CPLX2: variants seen among roughly 807,000 people sequenced by gnomAD.
CPLX2 encodes complexin 2.
A neutral mutation model predicts 16.3 loss-of-function variants in CPLX2; 5 were observed. The observed-to-expected ratio is 0.31, with a 90% CI of 0.16 to 0.64. The LOEUF (loss-of-function observed/expected upper bound fraction) is 0.64. Among genes scored for constraint, CPLX2 ranks in the 30% least tolerant of loss-of-function variants. The pLI is 0.79. For synonymous variants in CPLX2, 89 were observed against 73.2 expected (o/e 1.22, Z -1.10); for missense variants, 144 against 181.4 (o/e 0.79, Z 1.18).
At chr5:175,840,355 G>A (rs1241059126) in intron 2 of CPLX2, among the ~76,000 whole-genome samples, 2 of 152,190 alleles carry the variant, frequency 1.3e-5, no homozygotes, top group African/African-American at 4.8e-5. Context: ...TAAAACAAGA[G>A]TTGGAGAAGT....
At chr5:175,871,767 T>C (rs1285770818) in intron 1 of CPLX2, 62 bp downstream of exon 1, 2 of 152,578 alleles carry the variant, frequency 1.3e-5, no homozygotes, top group East Asian at 3.9e-4. Flanking sequence ...GTCCCGGCTC[T>C]CGCCTCGAGG....
In CPLX2 at chr5:175,811,274, T is replaced by G. The variant is rs1469057077; in HGVS notation, c.-89+2206T>G. Among the ~76,000 whole-genome samples the G allele has an allele frequency of 5.3e-5, 8 of 152,282 alleles. No individual in the cohort carries two copies. In the East Asian group the frequency reaches 1.5e-3, roughly 29 times the overall value. On this transcript the variant is annotated intron_variant, in intron 2 of 4. Transcript: ENST00000359546. ...CCAGGAAGGGTGGTTTGAAAAGTCT[T>G]GAGAAGCAAACTTCAGGATTAGGCT...
At chr5:175,803,964 G>C (rs554761092) in intron 1 of CPLX2, among the ~76,000 whole-genome samples, 16 of 152,354 alleles carry the variant, frequency 1.1e-4, no homozygotes, top group Admixed American at 7.2e-4. Flanking sequence ...GATGCAGGGG[G>C]AGGGAGACGA....
intron 1 of CPLX2, among the ~76,000 whole-genome samples, chr5:175,804,425 C>A (rs1231449397): frequency 6.6e-6 from 1 of 152,170 alleles, no homozygotes; most frequent in African/African-American, 2.4e-5. Flanking sequence ...GGCCTGTACC[C>A]TAAGGTGCTG....
At chr5:175,871,396 GAGAA>G (rs1295050807), upstream of CPLX2, 3 of 130,676 alleles carry the variant, frequency 2.3e-5, no homozygotes, top group Admixed American at 8.0e-5. Flanking sequence ...GAGGGAGGGA[GAGAA>G]AGAGAGAGAG....
rs181096091 is a variant in CPLX2, at chr5:175,820,468, A to G, written c.-89+11400A>G. 3.2e-3 allele frequency among the ~76,000 whole-genome samples: 486 copies of G among 152,306 alleles called. 1 individual carries two copies. Among genetic ancestry groups the G allele is most frequent in the Non-Finnish European group, 5.4e-3 (364 of 68,024 alleles). ...TGCCTGAAAGCAGGTGTGGTGGGCCAGGCATGGCATTCCCTCCCGCATCAC... is the reference window on the plus strand; with the variant it reads ...TGCCTGAAAGCAGGTGTGGTGGGCCGGGCATGGCATTCCCTCCCGCATCAC... On this transcript the variant is annotated intron_variant, in intron 2 of 4. Coordinates refer to the CPLX2 transcript ENST00000359546.
At chr5:175,827,109 C>T (rs1758630329) in intron 2 of CPLX2, among the ~76,000 whole-genome samples, 1 of 152,196 alleles carries the variant, frequency 6.6e-6, no homozygotes, top group African/African-American at 2.4e-5. Context: ...ACAGCCCCAT[C>T]AAAAGTTCCA....
At chr5:175,817,287 C>T (rs1758425551) in intron 2 of CPLX2, among the ~76,000 whole-genome samples, 1 of 152,182 alleles carries the variant, frequency 6.6e-6, no homozygotes, top group South Asian at 2.1e-4. Flanking sequence ...CAGCTTCCTA[C>T]CTAGCAAGAC....
At chr5:175,851,112 G>A (rs1759143305) in intron 2 of CPLX2, among the ~76,000 whole-genome samples, 1 of 152,054 alleles carries the variant, frequency 6.6e-6, no homozygotes, top group Non-Finnish European at 1.5e-5. Context: ...AGGGCATCTT[G>A]CGTGTGAGGA....
chr5:175,842,018 C>T (rs919794420), intron 2 of CPLX2, among the ~76,000 whole-genome samples: 2 of 152,224 alleles, frequency 1.3e-5, no homozygotes, highest in African/African-American at 4.8e-5. Context: ...ACAAGCATTC[C>T]TCCCATAGGC....
chr5:175,830,273 G>A lies in CPLX2; in HGVS notation c.-89+21205G>A, dbSNP rs1289633991. Among the ~76,000 whole-genome samples, 1 of 152,124 alleles carries A rather than the reference G, an allele frequency of 6.6e-6. No homozygotes were observed. Among genetic ancestry groups the A allele is most frequent in the Non-Finnish European group, 1.5e-5 (1 of 68,030 alleles). The stretch of plus-strand genomic sequence containing the variant: ...GAGGGAAATGATGGCATCTTTTGTG[G>A]CTGAATTTTCACAACTCATGAGAGA... On this transcript the variant is annotated intron_variant, in intron 2 of 4. Transcript: ENST00000359546. This position sits in a 1 kb window ranked among gnomAD's most constrained non-coding sequence, Gnocchi z 4.0.
chr5:175,829,293 C>T (rs1758684515), intron 2 of CPLX2, among the ~76,000 whole-genome samples: 1 of 152,238 alleles, frequency 6.6e-6, no homozygotes, highest in Admixed American at 6.5e-5. Flanking sequence ...TGTCTGAAAC[C>T]AGCTGGTAAA....
intron 2 of CPLX2, among the ~76,000 whole-genome samples, chr5:175,822,358 A>G (rs1338629063): frequency 6.6e-6 from 1 of 152,146 alleles, no homozygotes; most frequent in Non-Finnish European, 1.5e-5. Context: ...TGTCTAACAG[A>G]CCAGGGTCTC....
intron 2 of CPLX2, among the ~76,000 whole-genome samples, chr5:175,814,677 C>T (rs995444962): frequency 6.6e-5 from 10 of 152,028 alleles, no homozygotes; most frequent in East Asian, 1.9e-4. Context: ...AGGGGGTTAT[C>T]GAGGTTATCA....
intron 2 of CPLX2, among the ~76,000 whole-genome samples, chr5:175,862,401 T>C (rs528177798): frequency 9.2e-5 from 14 of 152,340 alleles, no homozygotes; most frequent in Admixed American, 3.9e-4. Context: ...ATGCTCTAGC[T>C]GTGCCATGAT....
At chr5:175,863,220 C>G (rs1759404963) in intron 2 of CPLX2, among the ~76,000 whole-genome samples, 1 of 152,194 alleles carries the variant, frequency 6.6e-6, no homozygotes, top group Non-Finnish European at 1.5e-5. Flanking sequence ...CCTAGAACAC[C>G]CAGCCCCATC....
chr5:175,820,836 G>A (rs1198299146), intron 2 of CPLX2, among the ~76,000 whole-genome samples: 1 of 152,144 alleles, frequency 6.6e-6, no homozygotes, highest in Non-Finnish European at 1.5e-5. Flanking sequence ...ACAAATATAT[G>A]GACATGGTAA....
intron 1 of CPLX2, among the ~76,000 whole-genome samples, chr5:175,807,057 C>A (rs1335428978): frequency 6.6e-6 from 1 of 152,204 alleles, no homozygotes; most frequent in Non-Finnish European, 1.5e-5. Context: ...TACACCAACA[C>A]CACCAGTGCC....
intron 2 of CPLX2, among the ~76,000 whole-genome samples, chr5:175,838,127 C>T (rs764726392): frequency 1.3e-4 from 20 of 152,134 alleles, no homozygotes; most frequent in Non-Finnish European, 1.5e-4. Context: ...TTGCAAAAGA[C>T]GGAAACATAG....
Sources: allele counts gnomAD v4.1 joint callset (sites outside exome capture counted in the v4.1 genomes callset), GRCh38; gene constraint gnomAD v4.1.1; non-coding constraint Gnocchi (gnomAD v3.1); transcripts MANE v1.5; gene names NCBI Gene and HGNC (gene_info 2026-07-23, HGNC 2026-07-21).